Variants in ACTA2 observed in about 807,000 individuals in gnomAD.
ACTA2 encodes actin, aortic smooth muscle.
Under a neutral mutation model 39.5 loss-of-function variants are expected in ACTA2, and 12 were observed. The ratio of observed to expected loss-of-function variants is 0.30; its 90% CI spans 0.19 to 0.49. The LOEUF is 0.49. Among genes scored for constraint, ACTA2 ranks in the 20% least tolerant of loss-of-function variants. The pLI, the probability that ACTA2 is intolerant of heterozygous loss-of-function variation, is 0.99. For synonymous variants in ACTA2, 158 were observed against 180.6 expected, an observed-to-expected ratio of 0.88 and a Z score of 1.00; for missense variants, 236 against 498.8, an observed-to-expected ratio of 0.47 and a Z score of 5.02.
intron 1 of ACTA2, among the ~76,000 whole-genome samples, chr10:88,978,845 A>G (rs1012426387): frequency 1.3e-5 from 2 of 152,102 alleles, no homozygotes; most frequent in African/African-American, 4.8e-5. Flanking sequence ...AGCTATTAGA[A>G]GCAACCTTCC....
At chr10:88,937,654 C>T (rs992055370) in intron 8 of ACTA2, among the ~76,000 whole-genome samples, 1 of 152,140 alleles carries the variant, frequency 6.6e-6, no homozygotes, top group Non-Finnish European at 1.5e-5. Flanking sequence ...ATAAGCTCCT[C>T]CTAAATCTAC....
At chr10:88,963,763 T>A (rs1455569749) in intron 1 of ACTA2, among the ~76,000 whole-genome samples, 1 of 152,178 alleles carries the variant, frequency 6.6e-6, no homozygotes, top group Non-Finnish European at 1.5e-5. Context: ...AGAAGTAGGT[T>A]CTGGAGTAAT....
chr10:88,964,302 C>G (rs930056687), intron 1 of ACTA2, among the ~76,000 whole-genome samples: 5 of 152,026 alleles, frequency 3.3e-5, no homozygotes, highest in Admixed American at 3.3e-4. Flanking sequence ...ATGGGAGATA[C>G]CCAGGGAATG....
chr10:88,973,447 T>C, intron 1 of ACTA2: 2 of 1,053,464 alleles, frequency 1.9e-6, no homozygotes, highest in East Asian at 2.9e-5. Flanking sequence ...GCCTTTCCTT[T>C]CTAAAGAAAA....
At chr10:88,942,800 A>G (rs75008670) in intron 4 of ACTA2, among the ~76,000 whole-genome samples, 2,078 of 152,034 alleles carry the variant, frequency 0.014, 54 homozygotes, top group African/African-American at 0.048. Context: ...CAGAAGCAAC[A>G]TCTCTTGCGA....
At chr10:88,985,127 T>C (rs567304846) in intron 1 of ACTA2, among the ~76,000 whole-genome samples, 2 of 152,296 alleles carry the variant, frequency 1.3e-5, no homozygotes, top group East Asian at 3.9e-4. Flanking sequence ...TCCAAGTTTA[T>C]CTCCCAGAAT....
At chr10:88,970,006 T>C (rs1846396780) in intron 1 of ACTA2, among the ~76,000 whole-genome samples, 1 of 152,200 alleles carries the variant, frequency 6.6e-6, no homozygotes, top group Non-Finnish European at 1.5e-5. Flanking sequence ...AAATTGCTCA[T>C]GGCAGACGTC....
In ACTA2 at chr10:88,943,793, T is replaced by C. The variant is rs1351597636; in HGVS notation, c.369+4A>G. 1.2e-6 allele frequency: 2 copies of C among 1,610,770 alleles called. No homozygotes were observed. Among genetic ancestry groups the C allele is most frequent in the African/African-American group, 1.3e-5 (1 of 74,816 alleles). ...AGTGTTGTGTGCTGGGGTAGCATACTTACTTGAGTCATTTTCTCCCGGTTG... is the reference window on the plus strand; with the variant it reads ...AGTGTTGTGTGCTGGGGTAGCATACCTACTTGAGTCATTTTCTCCCGGTTG... On this transcript the variant is annotated splice_donor_region_variant and intron_variant, in intron 4 of 8. Transcript: ENST00000224784.
chr10:88,944,138 C>A (rs951811070), intron 3 of ACTA2, among the ~76,000 whole-genome samples: 1 of 152,172 alleles, frequency 6.6e-6, no homozygotes, highest in African/African-American at 2.4e-5. Flanking sequence ...TAACCCAGAT[C>A]TGTGAGGCAG....
chr10:88,939,735 G>C (rs1422425903), intron 6 of ACTA2, 37 bp from the exon 7 acceptor site: 1 of 1,609,424 alleles, frequency 6.2e-7, no homozygotes, highest in Non-Finnish European at 8.5e-7. Context: ...CAAACATTAG[G>C]GTCTGCACAG....
intron 3 of ACTA2, among the ~76,000 whole-genome samples, chr10:88,945,178 G>A (rs1313994661): frequency 6.6e-6 from 1 of 152,168 alleles, no homozygotes; most frequent in African/African-American, 2.4e-5. Flanking sequence ...TCTTCCAATA[G>A]TCTCTGTCTA....
chr10:88,976,250 C>T (rs1000713502), intron 1 of ACTA2, among the ~76,000 whole-genome samples: 40 of 152,124 alleles, frequency 2.6e-4, no homozygotes, highest in African/African-American at 6.7e-4. Flanking sequence ...AGAAAGTTTA[C>T]GAATTCGTGT....
chr10:88,989,468 G>A, intron 1 of ACTA2: 1 of 542,490 alleles, frequency 1.8e-6, no homozygotes. Context: ...GTGTCTATTA[G>A]ATGCTCAGAG....
chr10:88,962,759 C>G (rs1028261407), intron 1 of ACTA2, among the ~76,000 whole-genome samples: 1 of 151,494 alleles, frequency 6.6e-6, no homozygotes, highest in East Asian at 2.0e-4. Flanking sequence ...AAAGACATAA[C>G]CTGAGACTGG....
chr10:88,971,088 T>TA (rs1846435696), intron 1 of ACTA2, among the ~76,000 whole-genome samples: 1 of 152,226 alleles, frequency 6.6e-6, no homozygotes, highest in Non-Finnish European at 1.5e-5. Context: ...TTTTCCCGAA[T>TA]AATGGCGTCT....
upstream of ACTA2, among the ~76,000 whole-genome samples, chr10:88,957,753 T>G (rs1589406654): frequency 6.6e-6 from 1 of 152,158 alleles, no homozygotes; most frequent in East Asian, 1.9e-4. Flanking sequence ...CCCCTTCCCC[T>G]AGGAAGCCCT....
chr10:88,948,078 A>G (rs1025173171), intron 2 of ACTA2, among the ~76,000 whole-genome samples: 4 of 152,176 alleles, frequency 2.6e-5, no homozygotes, highest in African/African-American at 4.8e-5. Context: ...GCTACTATGG[A>G]CCCATAAAAT....
chr10:88,989,043 T>C (rs944602885), intron 1 of ACTA2, among the ~76,000 whole-genome samples: 1 of 152,182 alleles, frequency 6.6e-6, no homozygotes, highest in Non-Finnish European at 1.5e-5. Context: ...AATATCTAAG[T>C]TTAATTCCTG....
At chr10:88,958,486 T>C (rs569862441) in intron 1 of ACTA2, among the ~76,000 whole-genome samples, 60 of 152,208 alleles carry the variant, frequency 3.9e-4, no homozygotes, top group Non-Finnish European at 7.8e-4. Context: ...CCAGAGCTGG[T>C]AAGTGGTAGA....
Sources: allele counts gnomAD v4.1 joint callset (sites outside exome capture counted in the v4.1 genomes callset), GRCh38; gene constraint gnomAD v4.1.1; transcripts MANE v1.5; gene names NCBI Gene and HGNC (gene_info 2026-07-23, HGNC 2026-07-21).